FAM171B: variants seen among roughly 807,000 people sequenced by gnomAD.
FAM171B encodes the protein protein FAM171B.
A neutral mutation model predicts 75.6 loss-of-function variants in FAM171B; 19 were observed. The ratio of observed to expected loss-of-function variants is 0.25; its 90% confidence interval spans 0.18 to 0.37. The LOEUF (loss-of-function observed/expected upper bound fraction) is 0.37. Ranked by LOEUF, FAM171B falls within the 10% of genes least tolerant of loss-of-function variation. The probability of loss-of-function intolerance (pLI) is 1.00; values close to 1 mark genes in which losing one functional copy is unlikely to be tolerated. For missense variants in FAM171B, 848 were observed against 982.4 expected, an observed-to-expected ratio of 0.86 and a Z score of 1.83; for synonymous variants, 367 against 361.7, an observed-to-expected ratio of 1.01 and a Z score of -0.17.
chr2:186,704,585 T>A (rs1381132683), intron 1 of FAM171B, among the ~76,000 whole-genome samples: 1 of 152,180 alleles, frequency 6.6e-6, no homozygotes, highest in African/African-American at 2.4e-5. Context: ...CACTGGAAAT[T>A]ACAAAGTCTC....
At chr2:186,720,483 G>A (rs972337708) in intron 1 of FAM171B, among the ~76,000 whole-genome samples, 4 of 152,010 alleles carry the variant, frequency 2.6e-5, no homozygotes, top group African/African-American at 9.7e-5. Context: ...TAACAATTTG[G>A]TGAGTTTCTT....
intron 1 of FAM171B, among the ~76,000 whole-genome samples, chr2:186,727,368 A>G (rs1379273416): frequency 6.6e-6 from 1 of 152,200 alleles, no homozygotes; most frequent in Non-Finnish European, 1.5e-5. Context: ...TTAAAAGGGC[A>G]TTTCAGATGG....
intron 1 of FAM171B, among the ~76,000 whole-genome samples, chr2:186,709,107 G>A (rs566257318): frequency 1.3e-5 from 2 of 152,096 alleles, no homozygotes; most frequent in East Asian, 3.9e-4. Flanking sequence ...GAGAGAGAGT[G>A]GGAGGTGCCG....
chr2:186,764,463 C>CTTTTTTTTTTTT lies in FAM171B; in HGVS notation c.*1654_*1665dup, dbSNP rs35271927. The stretch of plus-strand genomic sequence containing the variant: ...ATGTTTTGGGTAATACCTAGGCTTC[C>CTTTTTTTTTTTT]TTTTTTTTTTTTTTTTTTTTTTTTT... On this transcript the variant is annotated 3_prime_UTR_variant, in exon 8 of 8. Transcript: ENST00000304698. The CTTTTTTTTTTTT allele has an allele frequency of 1.2e-5, 1 of 83,050 alleles. No individual in the cohort carries two copies. Among genetic ancestry groups the CTTTTTTTTTTTT allele is most frequent in the Non-Finnish European group, 2.2e-5 (1 of 44,976 alleles). The allele number at this position is 83,050 out of a possible 1,614,324, so 5.1% of individuals were successfully genotyped here.
chr2:186,730,472 G>A (rs552764209), intron 1 of FAM171B, among the ~76,000 whole-genome samples: 1 of 152,180 alleles, frequency 6.6e-6, no homozygotes, highest in Non-Finnish European at 1.5e-5. Flanking sequence ...GGAAACAACT[G>A]CAAGTCAGTT....
intron 6 of FAM171B, among the ~76,000 whole-genome samples, chr2:186,759,865 A>G (rs1374859253): frequency 2.0e-5 from 3 of 151,958 alleles, no homozygotes; most frequent in Non-Finnish European, 4.4e-5. Context: ...ATCTTTGCCA[A>G]GATTTATTGG....
intron 6 of FAM171B, among the ~76,000 whole-genome samples, chr2:186,759,634 C>CT (rs923781209): frequency 6.6e-6 from 1 of 151,930 alleles, no homozygotes; most frequent in South Asian, 2.1e-4. Flanking sequence ...ATTTGTTTGT[C>CT]TTTTTTTGAG....
intron 2 of FAM171B, among the ~76,000 whole-genome samples, chr2:186,741,218 C>A (rs1410188371): frequency 6.6e-6 from 1 of 151,780 alleles, no homozygotes; most frequent in South Asian, 2.1e-4. Context: ...TTAATTGGAT[C>A]CATATGTGAA....
chr2:186,756,877 G>T (rs1690540310), intron 6 of FAM171B, among the ~76,000 whole-genome samples: 1 of 152,086 alleles, frequency 6.6e-6, no homozygotes, highest in Admixed American at 6.6e-5. Flanking sequence ...GAAATCAGGG[G>T]AACACTTACT....
chr2:186,711,024 A>T (rs577094540), intron 1 of FAM171B, among the ~76,000 whole-genome samples: 19 of 152,008 alleles, frequency 1.2e-4, no homozygotes, highest in Admixed American at 3.9e-4. Flanking sequence ...CATACTTTTT[A>T]AAAAAAATGG....
At chr2:186,739,750 G>A (rs549665350) in intron 1 of FAM171B, among the ~76,000 whole-genome samples, 1 of 152,180 alleles carries the variant, frequency 6.6e-6, no homozygotes, top group Admixed American at 6.5e-5. Context: ...TAGAAGGACT[G>A]CATTGTAAAA....
intron 1 of FAM171B, among the ~76,000 whole-genome samples, chr2:186,711,914 G>A (rs1261077085): frequency 6.6e-6 from 1 of 152,028 alleles, no homozygotes; most frequent in Admixed American, 6.6e-5. Context: ...TCTCTGTTTG[G>A]TGAGTCAATA....
chr2:186,762,486 A>G lies in FAM171B; in HGVS notation c.2144A>G (p.His715Arg). The G allele has an allele frequency of 6.2e-7, 1 of 1,613,534 alleles. No individual in the cohort carries two copies. Among genetic ancestry groups the G allele is most frequent in the Non-Finnish European group, 8.5e-7 (1 of 1,179,734 alleles). The change falls in exon 8 of 8, where the codon CAC (histidine) becomes CGC (arginine). Residue 715 changes from histidine (H) to arginine (R), a missense_variant. Physicochemically the swap from His to Arg is conservative, Grantham distance 29. This residue lies in a region of FAM171B where 136 missense variants were observed against 159.3 expected (regional missense o/e 0.85). Coordinates refer to ENST00000304698, the MANE Select transcript of FAM171B (RefSeq NM_177454.4). The surrounding 1 kb of genome is among the most constrained non-coding windows in gnomAD (Gnocchi z 4.0). ...LDSGVDMNEL[H>R]SSRKLEREKT... Reference sequence around the variant, plus strand: ...TCTGGGGTGGACATGAATGAGCTTCACTCAAGTAGAAAGCTCGAGAGGGAG... The same window carrying G: ...TCTGGGGTGGACATGAATGAGCTTCGCTCAAGTAGAAAGCTCGAGAGGGAG...
intron 2 of FAM171B, among the ~76,000 whole-genome samples, chr2:186,741,676 A>G (rs564741795): frequency 4.3e-4 from 65 of 152,284 alleles, no homozygotes; most frequent in Non-Finnish European, 8.7e-4. Flanking sequence ...AATATTGTCA[A>G]ACAAGATAGG....
chr2:186,695,192 A>G (rs1172449552), intron 1 of FAM171B: 1 of 152,232 alleles, frequency 6.6e-6, no homozygotes, highest in Non-Finnish European at 1.5e-5. Context: ...GATTCTTGAC[A>G]CTGTTCAGTG....
intron 1 of FAM171B, among the ~76,000 whole-genome samples, chr2:186,702,073 T>C (rs79285319): frequency 0.022 from 3,380 of 152,286 alleles, 51 homozygotes; most frequent in Non-Finnish European, 0.035. Context: ...CTATGTGTGG[T>C]CATGAAATGC....
chr2:186,712,136 TTAAG>T, intron 1 of FAM171B, among the ~76,000 whole-genome samples: 1 of 152,202 alleles, frequency 6.6e-6, no homozygotes, highest in East Asian at 1.9e-4. Context: ...ATCCGAGGAA[TTAAG>T]TATCTTTTGT....
intron 6 of FAM171B, among the ~76,000 whole-genome samples, chr2:186,755,481 G>C (rs868449391): frequency 4.5e-4 from 68 of 152,180 alleles, no homozygotes; most frequent in Middle Eastern, 3.2e-3. Flanking sequence ...TTGGCTCACA[G>C]CTGAGGGGTA....
rs1488931570 is a variant in FAM171B at position 186,762,848 on chromosome 2, T to C, written c.*25T>C. 7 of 1,579,054 alleles carry C rather than the reference T, an allele frequency of 4.4e-6. No individual in the cohort carries two copies. The East Asian group carries it at 1.6e-4, about 35-fold the overall frequency. On this transcript the variant is annotated 3_prime_UTR_variant, in exon 8 of 8. Coordinates refer to ENST00000304698, the MANE Select transcript of FAM171B (RefSeq NM_177454.4). This position sits in a 1 kb window ranked among gnomAD's most constrained non-coding sequence, Gnocchi z 4.0. ...ACTCCAATGGGGATTGTGTGTCTGC[T>C]GTCTCGTGCTGTTTATTCTTGCTTC...
Sources: gnomAD v4.1 joint callset for allele counts (sites outside exome capture counted in the v4.1 genomes callset) on GRCh38, gnomAD v4.1.1 for gene constraint, gnomAD v4.1.1 regional missense constraint, Gnocchi (gnomAD v3.1) non-coding constraint, MANE v1.5 for transcripts, NCBI Gene and HGNC (gene_info 2026-07-23, HGNC 2026-07-21) for gene names.